Variants in TUSC3 observed in about 807,000 individuals in gnomAD.
The protein encoded by TUSC3 is tumor suppressor candidate 3.
In TUSC3, 45 loss-of-function variants were observed where a neutral mutation model predicts 44.8. That is an observed-to-expected ratio of 1.00 (90% CI 0.79 to 1.29). The LOEUF is 1.29. TUSC3 is among the 50% of genes most tolerant of loss of function. The pLI, the probability that TUSC3 is intolerant of heterozygous loss-of-function variation, is 0.00. For synonymous variants in TUSC3, 212 were observed against 152.9 expected (o/e 1.39, Z -2.85); for missense variants, 519 against 437.9 (o/e 1.19, Z -1.65).
intron 1 of TUSC3, among the ~76,000 whole-genome samples, chr8:15,445,572 G>A (rs1158737897): frequency 2.0e-5 from 3 of 152,086 alleles, no homozygotes; most frequent in South Asian, 2.1e-4. Context: ...ATCTTGCACC[G>A]CCCTTAATCC....
intron 1 of TUSC3, among the ~76,000 whole-genome samples, chr8:15,545,426 C>G (rs1801831114): frequency 6.6e-6 from 1 of 151,476 alleles, no homozygotes; most frequent in South Asian, 2.1e-4. Flanking sequence ...TAAAGGGAGA[C>G]ATTATCTTTA....
At chr8:15,778,105 A>AAAAC in the TUSC3 span, among the ~76,000 whole-genome samples, 5 of 141,742 alleles carry the variant, frequency 3.5e-5, no homozygotes, top group Admixed American at 1.4e-4. Flanking sequence ...AAGGCAAAAA[A>AAAAC]AAAAAACAAA....
intron 2 of TUSC3, among the ~76,000 whole-genome samples, chr8:15,488,135 T>A (rs758448497): frequency 2.0e-5 from 3 of 152,076 alleles, no homozygotes; most frequent in Non-Finnish European, 4.4e-5. Flanking sequence ...AGTCCCCTCT[T>A]TATTGAAGTT....
chr8:15,420,979 C>T (rs1232194090), intron 1 of TUSC3, among the ~76,000 whole-genome samples: 2 of 152,144 alleles, frequency 1.3e-5, no homozygotes, highest in Non-Finnish European at 2.9e-5. Context: ...CCTTTATATG[C>T]AAGTGACACT....
In TUSC3 at chr8:15,709,689, T is replaced by C. The variant is rs10086942; in HGVS notation, c.799-20977T>C. The stretch of plus-strand genomic sequence containing the variant: ...GAGCTGTATGTGTTATCTCCTTTAG[T>C]CCTTATAGTATCCTTATATGAAATT... On this transcript the variant is annotated intron_variant, in intron 6 of 10. Coordinates refer to ENST00000503731, the MANE Select transcript of TUSC3 (RefSeq NM_006765.4). 5.8e-3 allele frequency among the ~76,000 whole-genome samples: 876 copies of C among 152,012 alleles called. 12 individuals carry two copies. Among genetic ancestry groups the C allele is most frequent in the African/African-American group, 0.02 (815 of 41,508 alleles).
rs151056842 is a variant in TUSC3, at chr8:15,596,866, A to G, written c.139-26214A>G. Among the ~76,000 whole-genome samples the G allele has an allele frequency of 1.5e-3, 232 of 152,230 alleles. 1 individual carries two copies. The highest frequency in any genetic ancestry group is 5.4e-3 in the African/African-American group (225 of 41,546). ...AATGTTCTAATTGTACTTAATTATT[A>G]TTTCAAATAATAGACGATCTTTCTT... is the stretch of plus-strand genomic sequence containing the variant. On this transcript the variant is annotated intron_variant, in intron 1 of 10. Transcript: ENST00000503731.
intron 1 of TUSC3, among the ~76,000 whole-genome samples, chr8:15,434,530 C>CTTTTTTTTTTTTTTTTT (rs59579003): frequency 7.4e-6 from 1 of 135,682 alleles, no homozygotes; most frequent in African/African-American, 2.7e-5. Flanking sequence ...AAAGCCATTC[C>CTTTTTTTTTTTTTTTTT]TTTTTTTTTT....
chr8:15,762,416 CT>C (rs1318564167), intron 10 of TUSC3, among the ~76,000 whole-genome samples: 2 of 151,874 alleles, frequency 1.3e-5, no homozygotes, highest in African/African-American at 4.8e-5. Flanking sequence ...AGTAGCATAA[CT>C]AAAGATAACA....
the TUSC3 span, among the ~76,000 whole-genome samples, chr8:15,810,455 T>C: frequency 1.3e-5 from 2 of 151,714 alleles, no homozygotes; most frequent in African/African-American, 4.8e-5. Flanking sequence ...CTGGGCAACA[T>C]AGGGAGATGT....
chr8:15,556,332 C>A (rs1195333969), intron 1 of TUSC3, among the ~76,000 whole-genome samples: 1 of 150,532 alleles, frequency 6.6e-6, no homozygotes, highest in Non-Finnish European at 1.5e-5. Context: ...AGGACATGAA[C>A]TCATCATTTT....
At chr8:15,512,873 TATATATATATATACACACAATTCTCTCG>T in intron 2 of TUSC3, among the ~76,000 whole-genome samples, 1 of 86,688 alleles carries the variant, frequency 1.2e-5, no homozygotes. Context: ...TATGTGTGTG[TATATATATATATACACACAATTCTCTCG>T]GTGTATATAT....
At chr8:15,734,669 G>C (rs352752) in intron 7 of TUSC3, among the ~76,000 whole-genome samples, 1 of 152,134 alleles carries the variant, frequency 6.6e-6, no homozygotes, top group African/African-American at 2.4e-5. Flanking sequence ...AAATGTATGC[G>C]AAGGCAAAGG....
Position 15,555,268 on chromosome 8 carries a change from C to G in TUSC3, c.138+14700C>G, listed in dbSNP as rs1436238966. ...GGCCCTTGGTTCATGTGCCACCATG[C>G]CAGGCTAATTTTTTTTTTTTTTTTT... On this transcript the variant is annotated intron_variant, in intron 1 of 10. Transcript: ENST00000503731. 4.2e-5 allele frequency among the ~76,000 whole-genome samples: 5 copies of G among 118,058 alleles called. No homozygotes were observed. The Admixed American group carries it at 4.8e-4, about 11-fold the overall frequency. 77.5% of individuals were successfully genotyped at this position (118,058 alleles called of 152,430 possible).
At chr8:15,562,197 G>A (rs547268679) in intron 1 of TUSC3, among the ~76,000 whole-genome samples, 1 of 152,190 alleles carries the variant, frequency 6.6e-6, no homozygotes, top group East Asian at 1.9e-4. Context: ...ACTGCGTGAG[G>A]TTGAGTACTG....
rs372519813 is a variant in TUSC3 at position 15,748,401 on chromosome 8, G to T, written c.964G>T (p.Val322Leu). 1 of 1,613,466 alleles carries T rather than the reference G, an allele frequency of 6.2e-7. No individual in the cohort carries two copies. The highest frequency in any genetic ancestry group is 8.5e-7 in the Non-Finnish European group (1 of 1,179,558). ...RIICLVGLGL[V>L]VFFFSFLLSI... is the part of the protein sequence containing the mutation. ...AATTTGCCTAGTGGGATTGGGCCTGGTGGTCTTCTTCTTCAGTTTTCTACT... is the reference window on the plus strand; with the variant it reads ...AATTTGCCTAGTGGGATTGGGCCTGTTGGTCTTCTTCTTCAGTTTTCTACT... The change falls in exon 9 of 11, where the codon GTG (valine) becomes TTG (leucine). Residue 322 changes from valine to leucine, a missense_variant. Coordinates refer to ENST00000503731, the MANE Select transcript of TUSC3 (RefSeq NM_006765.4).
intron 1 of TUSC3, among the ~76,000 whole-genome samples, chr8:15,430,386 T>C (rs1445237297): frequency 6.6e-6 from 1 of 150,754 alleles, no homozygotes; most frequent in Non-Finnish European, 1.5e-5. Flanking sequence ...ACTACATGAT[T>C]ATCTCAATAG....
the TUSC3 span, among the ~76,000 whole-genome samples, chr8:15,838,321 G>T: frequency 6.6e-6 from 1 of 152,136 alleles, no homozygotes; most frequent in African/African-American, 2.4e-5. Flanking sequence ...ACCAGTGCTT[G>T]GAAACCATCC....
At chr8:15,807,088 G>T in the TUSC3 span, 43 of 1,362,080 alleles carry the variant, frequency 3.2e-5, no homozygotes, top group Non-Finnish European at 4.4e-5. Context: ...TTGGCAACCT[G>T]AGAACCAGGA....
At chr8:15,742,772 G>T (rs1811248964) in intron 7 of TUSC3, among the ~76,000 whole-genome samples, 1 of 152,200 alleles carries the variant, frequency 6.6e-6, no homozygotes, top group Non-Finnish European at 1.5e-5. Flanking sequence ...CATATTTTCA[G>T]AATTGATGAG....
Sources: gnomAD v4.1 joint callset for allele counts (sites outside exome capture counted in the v4.1 genomes callset) on GRCh38, gnomAD v4.1.1 for gene constraint, MANE v1.5 for transcripts, NCBI Gene and HGNC (gene_info 2026-07-23, HGNC 2026-07-21) for gene names.